Variants in DNAH14 observed in about 807,000 individuals in gnomAD.
The protein encoded by DNAH14 is axonemal beta dynein heavy chain 14.
DNAH14 carries 478 observed loss-of-function variants against 520.9 expected under a neutral mutation model. The observed-to-expected ratio is 0.92, with a 90% CI of 0.85 to 0.99. DNAH14 has a LOEUF of 0.99. Ranked by LOEUF, DNAH14 falls within the 50% of genes least tolerant of loss-of-function variation. The pLI is 0.00. For missense variants in DNAH14, 4,831 were observed against 5,234.5 expected, an observed-to-expected ratio of 0.92 and a Z score of 2.38; for synonymous variants, 1,581 against 1,757.2, an observed-to-expected ratio of 0.90 and a Z score of 2.51.
chr1:225,053,581 G>T (rs2068753919), intron 17 of DNAH14, among the ~76,000 whole-genome samples: 1 of 152,122 alleles, frequency 6.6e-6, no homozygotes, highest in Non-Finnish European at 1.5e-5. Flanking sequence ...GAGAGGTGAT[G>T]ATAATCTGAT....
intron 15 of DNAH14, 56 bp downstream of exon 15, chr1:225,044,039 A>T (rs1485073713): frequency 3.7e-6 from 4 of 1,080,950 alleles, no homozygotes; most frequent in Non-Finnish European, 4.0e-6. Context: ...ATATTTTTTT[A>T]AATTTAAGCA....
At position 225,117,144 on chromosome 1, in the gene DNAH14, G is replaced by T. The variant is rs75520248; in HGVS notation, c.3868-540G>T. ...TGGGTATCTCTTCCTCTGAAAAGAAGGAAAGGATTGAGACTAGTGTTAATG... is the reference window on the plus strand; with the variant it reads ...TGGGTATCTCTTCCTCTGAAAAGAATGAAAGGATTGAGACTAGTGTTAATG... On this transcript the variant is annotated intron_variant, in intron 23 of 85. Transcript: ENST00000682510. Among the ~76,000 whole-genome samples the T allele has an allele frequency of 5.0e-3, 765 of 152,152 alleles. 6 individuals are homozygous for T. Among genetic ancestry groups the T allele is most frequent in the African/African-American group, 0.017 (722 of 41,510 alleles).
chr1:225,031,156 A>G (rs546356941), intron 11 of DNAH14, among the ~76,000 whole-genome samples: 1 of 152,200 alleles, frequency 6.6e-6, no homozygotes, highest in East Asian at 1.9e-4. Flanking sequence ...TATTTTAAAT[A>G]CAGTTTCTAA....
At chr1:225,107,853 T>G (rs548124083) in intron 23 of DNAH14, among the ~76,000 whole-genome samples, 1 of 152,342 alleles carries the variant, frequency 6.6e-6, no homozygotes, top group African/African-American at 2.4e-5. Context: ...AGTGAGATGA[T>G]ATCTCATTGT....
chr1:225,205,023 T>A (rs2087342833), intron 39 of DNAH14, among the ~76,000 whole-genome samples: 2 of 152,184 alleles, frequency 1.3e-5, no homozygotes, highest in South Asian at 4.1e-4. Flanking sequence ...ACTCTTGGAT[T>A]CTTCTGGGAT....
chr1:225,256,464 CA>C (rs1279101699), intron 44 of DNAH14, among the ~76,000 whole-genome samples: 1 of 151,870 alleles, frequency 6.6e-6, no homozygotes, highest in East Asian at 1.9e-4. Context: ...AATAAAATGG[CA>C]AAAGCAAAAT....
chr1:225,331,695 A>G (rs1384701428), intron 65 of DNAH14, 118 bp downstream of exon 65: 1 of 1,358,220 alleles, frequency 7.4e-7, no homozygotes, highest in Non-Finnish European at 1.0e-6. Flanking sequence ...CTAACTATCC[A>G]GTTTCTTATT....
intron 6 of DNAH14, 133 bp from the exon 7 acceptor site, chr1:224,968,626 C>A: frequency 1.8e-6 from 1 of 565,146 alleles, no homozygotes; most frequent in Non-Finnish European, 3.0e-6. Flanking sequence ...AGGATTCATA[C>A]ATAGAAAAAG....
chr1:225,393,201 C>T (rs1047941015), intron 84 of DNAH14, among the ~76,000 whole-genome samples: 2 of 152,092 alleles, frequency 1.3e-5, no homozygotes, highest in African/African-American at 4.8e-5. Flanking sequence ...TAATGAAATA[C>T]CATTTTACAC....
At chr1:225,004,647 T>G (rs1558654095) in intron 9 of DNAH14, among the ~76,000 whole-genome samples, 1 of 152,128 alleles carries the variant, frequency 6.6e-6, no homozygotes. Flanking sequence ...TTTACAAGAA[T>G]GGGAATTTCT....
At position 225,399,024 on chromosome 1, in the gene DNAH14, T is replaced by C. The variant is rs1243060392; in HGVS notation, c.13639-30T>C. On this transcript the variant is annotated intron_variant, in intron 85 of 85. Coordinates refer to ENST00000682510, the MANE Select transcript of DNAH14 (RefSeq NM_001367479.1). ...TACTGATTCACTTGAACTATGCAAT[T>C]TGACTACTGGATTTTTTTTTTTTTT... 4 of 1,466,546 alleles carry C rather than the reference T, an allele frequency of 2.7e-6. No individual in the cohort carries two copies. In the South Asian group the frequency reaches 5.0e-5, roughly 18 times the overall value. The allele number at this position is 1,466,546 out of a possible 1,614,324, so 90.8% of individuals were successfully genotyped here.
intron 12 of DNAH14, among the ~76,000 whole-genome samples, chr1:225,040,228 T>A (rs528977799): frequency 6.6e-6 from 1 of 152,240 alleles, no homozygotes; most frequent in African/African-American, 2.4e-5. Context: ...CATGAGCCAC[T>A]GCGCCCGGCC....
chr1:225,184,528 A>G (rs932269446), intron 36 of DNAH14, among the ~76,000 whole-genome samples: 1 of 152,112 alleles, frequency 6.6e-6, no homozygotes, highest in South Asian at 2.1e-4. Context: ...GCTGAGGCAC[A>G]AGAATCGCTT....
chr1:225,397,030 T>TG (rs2096020784), intron 84 of DNAH14: 1 of 150,442 alleles, frequency 6.6e-6, no homozygotes, highest in African/African-American at 2.5e-5. Context: ...TTTTTTGAGA[T>TG]GGAGTCTTGC....
At chr1:225,292,569 T>G (rs1349800034) in intron 55 of DNAH14, among the ~76,000 whole-genome samples, 1 of 152,144 alleles carries the variant, frequency 6.6e-6, no homozygotes, top group Non-Finnish European at 1.5e-5. Flanking sequence ...TCAGAATTGC[T>G]TTGGATTTTT....
At chr1:225,053,675 CTGAA>C (rs2148332920) in intron 17 of DNAH14, among the ~76,000 whole-genome samples, 1 of 152,166 alleles carries the variant, frequency 6.6e-6, no homozygotes, top group African/African-American at 2.4e-5. Flanking sequence ...ATGGCATTGA[CTGAA>C]TGTAAGGTAT....
In DNAH14 at chr1:225,340,548, G is replaced by A. The variant is rs1194927423; in HGVS notation, c.10525G>A (p.Gly3509Ser). The A allele has an allele frequency of 6.4e-7, 1 of 1,551,340 alleles. No homozygotes were observed. Among genetic ancestry groups the A allele is most frequent in the South Asian group, 1.2e-5 (1 of 84,048 alleles). Reference protein sequence around the residue: ...TMINFTVTFQGLQDQLLSTVV... With the variant: ...TMINFTVTFQSLQDQLLSTVV... ...GATCAACTTCACTGTAACATTCCAA[G>A]GTTTGCAAGATCAACTCTTGTCTAC... is the stretch of plus-strand genomic sequence containing the variant. Residue 3509 changes from glycine (G) to serine (S), a missense_variant, in exon 69 of 86, where the codon GGT becomes AGT. By Grantham distance (56) the Gly-to-Ser change is moderately conservative. Coordinates refer to ENST00000682510, the MANE Select transcript of DNAH14 (RefSeq NM_001367479.1).
chr1:225,027,490 A>G (rs1370725201), intron 11 of DNAH14, among the ~76,000 whole-genome samples: 2 of 152,114 alleles, frequency 1.3e-5, no homozygotes, highest in Non-Finnish European at 1.5e-5. Context: ...ATTTATAATG[A>G]GAAGAGGTCT....
At chr1:224,950,479 G>T (rs1229338666) in intron 1 of DNAH14, among the ~76,000 whole-genome samples, 2 of 152,212 alleles carry the variant, frequency 1.3e-5, no homozygotes, top group African/African-American at 4.8e-5. Flanking sequence ...TGTGAGAAGT[G>T]TGAGGTTAAC....
Sources: gnomAD v4.1 joint callset for allele counts (sites outside exome capture counted in the v4.1 genomes callset) on GRCh38, gnomAD v4.1.1 for gene constraint, MANE v1.5 for transcripts, NCBI Gene and HGNC (gene_info 2026-07-23, HGNC 2026-07-21) for gene names.